NMNAT2: variants seen among roughly 807,000 people sequenced by gnomAD.
NMNAT2 encodes the protein nicotinamide/nicotinic acid mononucleotide adenylyltransferase 2.
In NMNAT2, 11 loss-of-function variants were observed where a neutral mutation model predicts 41.6. That is an observed-to-expected ratio of 0.26 (90% CI 0.17 to 0.44). The LOEUF is 0.44. NMNAT2 is among the 20% of genes least tolerant of loss of function. The pLI, the probability that NMNAT2 is intolerant of heterozygous loss-of-function variation, is 1.00. For missense variants in NMNAT2, 288 were observed against 407.7 expected, an observed-to-expected ratio of 0.71 and a Z score of 2.53; for synonymous variants, 148 against 151.2, an observed-to-expected ratio of 0.98 and a Z score of 0.16.
At chr1:183,284,549 A>T (rs1661350546) in intron 6 of NMNAT2, among the ~76,000 whole-genome samples, 161 bp downstream of exon 6, 2 of 152,240 alleles carry the variant, frequency 1.3e-5, no homozygotes, top group Non-Finnish European at 2.9e-5. Flanking sequence ...TTGTGTGTGC[A>T]ACGCCTGTGT....
chr1:183,334,451 A>C (rs1485145958), intron 1 of NMNAT2, among the ~76,000 whole-genome samples: 2 of 151,854 alleles, frequency 1.3e-5, no homozygotes, highest in Admixed American at 6.6e-5. Context: ...ATTTCAACAC[A>C]CTCAAGAGTC....
intron 1 of NMNAT2, among the ~76,000 whole-genome samples, chr1:183,364,625 G>A (rs986378183): frequency 8.3e-4 from 87 of 104,870 alleles, no homozygotes; most frequent in African/African-American, 2.5e-3. Context: ...AGTAGAAGCT[G>A]CAGGGATAAA....
intron 1 of NMNAT2, among the ~76,000 whole-genome samples, chr1:183,389,394 A>G (rs1648371998): frequency 6.6e-6 from 1 of 152,158 alleles, no homozygotes; most frequent in Non-Finnish European, 1.5e-5. Flanking sequence ...ACATACCAAG[A>G]ATTGAATTTG....
chr1:183,259,735 G>T (rs373882911), intron 10 of NMNAT2, among the ~76,000 whole-genome samples: 1 of 152,164 alleles, frequency 6.6e-6, no homozygotes, highest in East Asian at 1.9e-4. Context: ...GAGTAGCTGG[G>T]ACTACAGGCG....
rs1661575570 is a variant in NMNAT2, at chr1:183,292,695, G to A, written c.242+95C>T. The A allele has an allele frequency of 2.6e-6, 3 of 1,162,868 alleles. No individual in the cohort carries two copies. The Admixed American group carries it at 5.9e-5, about 23-fold the overall frequency. The allele number at this position is 1,162,868 out of a possible 1,614,324, so 72.0% of individuals were successfully genotyped here. On this transcript the variant is annotated intron_variant, in intron 3 of 10. Transcript: ENST00000287713. The stretch of plus-strand genomic sequence containing the variant: ...TTGCCCCTGCCTCCCCATCCTTTCA[G>A]GATCCAAATTACTGCTGGAACTCTT...
At chr1:183,363,058 A>G (rs1414682235) in intron 1 of NMNAT2, among the ~76,000 whole-genome samples, 1 of 152,134 alleles carries the variant, frequency 6.6e-6, no homozygotes, top group Non-Finnish European at 1.5e-5. Context: ...ATGTTGAGCA[A>G]CTTTTTAGGA....
intron 1 of NMNAT2, among the ~76,000 whole-genome samples, chr1:183,322,922 A>G (rs1662382334): frequency 6.6e-6 from 1 of 152,048 alleles, no homozygotes. Context: ...AAACATCTCA[A>G]TACACATAAA....
intron 1 of NMNAT2, among the ~76,000 whole-genome samples, chr1:183,318,541 G>A (rs142143238): frequency 2.0e-5 from 3 of 152,312 alleles, no homozygotes; most frequent in South Asian, 2.1e-4. Flanking sequence ...CCCCCAAACA[G>A]GACGATGGGG....
intron 1 of NMNAT2, among the ~76,000 whole-genome samples, chr1:183,392,971 T>C (rs1253068129): frequency 1.3e-5 from 2 of 152,180 alleles, no homozygotes; most frequent in Non-Finnish European, 2.9e-5. Context: ...TCTTTCTGCC[T>C]CCTCTAGACT....
Position 183,261,240 on chromosome 1 carries a change from G to T in NMNAT2, c.715C>A (p.Arg239=). The T allele has an allele frequency of 6.2e-7, 1 of 1,614,072 alleles. No individual in the cohort carries two copies. Among genetic ancestry groups the T allele is most frequent in the Non-Finnish European group, 8.5e-7 (1 of 1,180,024 alleles). ...AGTATTGAGGAGTGATTCATGATTCGGTCTGTGTCGGCTGCATCCCGGGGC... is the reference window on the plus strand; with the variant it reads ...AGTATTGAGGAGTGATTCATGATTCTGTCTGTGTCGGCTGCATCCCGGGGC... ...VVPRDAADTD[R]IMNHSSILRK... Residue 239 remains arginine (R), a synonymous_variant, in exon 9 of 11, where the codon CGA becomes AGA. Transcript: ENST00000287713.
At chr1:183,384,430 C>A (rs1262038995) in intron 1 of NMNAT2, among the ~76,000 whole-genome samples, 1 of 152,122 alleles carries the variant, frequency 6.6e-6, no homozygotes, top group Non-Finnish European at 1.5e-5. Flanking sequence ...AAACTCCTGA[C>A]CTCAAGTGAT....
chr1:183,264,639 C>T (rs1478056567), intron 8 of NMNAT2, among the ~76,000 whole-genome samples: 10 of 152,134 alleles, frequency 6.6e-5, no homozygotes, highest in Admixed American at 5.9e-4. Flanking sequence ...CAATGAACTG[C>T]GCTGCTTAGA....
chr1:183,353,866 T>G (rs481157), intron 1 of NMNAT2, among the ~76,000 whole-genome samples: 1 of 151,448 alleles, frequency 6.6e-6, no homozygotes, highest in African/African-American at 2.4e-5. Context: ...CTTGCTTGAG[T>G]GAGAGGCCCC....
chr1:183,319,461 TGAGCCAGCTCTCTCA>T (rs1440076911), intron 1 of NMNAT2, among the ~76,000 whole-genome samples: 3 of 152,232 alleles, frequency 2.0e-5, no homozygotes, highest in Non-Finnish European at 2.9e-5. Context: ...TTCTCGAGGT[TGAGCCAGCTCTCTCA>T]GAGGCAGCAG....
chr1:183,252,786 A>C, intron 10 of NMNAT2, 43 bp from the exon 11 acceptor site: 3 of 1,450,056 alleles, frequency 2.1e-6, no homozygotes, highest in Non-Finnish European at 2.9e-6. Flanking sequence ...TCCACACCCA[A>C]AGCAAGTCAG....
At chr1:183,329,070 A>G (rs1253146491) in intron 1 of NMNAT2, among the ~76,000 whole-genome samples, 1 of 152,158 alleles carries the variant, frequency 6.6e-6, no homozygotes, top group Non-Finnish European at 1.5e-5. Flanking sequence ...GATGAGAGAC[A>G]GACATACTGC....
At chr1:183,329,228 C>A (rs560595225) in intron 1 of NMNAT2, among the ~76,000 whole-genome samples, 2 of 151,956 alleles carry the variant, frequency 1.3e-5, no homozygotes, top group Non-Finnish European at 2.9e-5. Context: ...AACAAATATC[C>A]ATTTTAATTG....
chr1:183,369,006 G>A (rs1663472295), intron 1 of NMNAT2, among the ~76,000 whole-genome samples: 1 of 152,128 alleles, frequency 6.6e-6, no homozygotes, highest in Non-Finnish European at 1.5e-5. Context: ...CACGGGCATG[G>A]GGAACACTTC....
intron 1 of NMNAT2, among the ~76,000 whole-genome samples, chr1:183,358,424 T>C (rs183988740): frequency 1.8e-3 from 270 of 152,152 alleles, no homozygotes; most frequent in Middle Eastern, 6.8e-3. Flanking sequence ...GTTTAAAATA[T>C]ATATACAACT....
Sources: gnomAD v4.1 joint callset for allele counts (sites outside exome capture counted in the v4.1 genomes callset) on GRCh38, gnomAD v4.1.1 for gene constraint, MANE v1.5 for transcripts, NCBI Gene and HGNC (gene_info 2026-07-23, HGNC 2026-07-21) for gene names.